Variants in FADS6 observed in about 807,000 individuals in gnomAD.
The protein encoded by FADS6 is fatty acid desaturase domain family, member 6.
FADS6 carries 28 observed loss-of-function variants against 31.7 expected under a neutral mutation model. The ratio of observed to expected loss-of-function variants is 0.88; its 90% CI spans 0.66 to 1.21. FADS6 has a LOEUF of 1.21. FADS6 is among the 50% of genes most tolerant of loss of function. The pLI is 0.00. For synonymous variants in FADS6, 191 were observed against 213.1 expected, an observed-to-expected ratio of 0.90 and a Z score of 0.90; for missense variants, 494 against 504.2, an observed-to-expected ratio of 0.98 and a Z score of 0.19.
In FADS6 at chr17:74,882,284, C is replaced by G. The variant is rs529491117; in HGVS notation, c.592+246G>C. Among the ~76,000 whole-genome samples the G allele has an allele frequency of 3.9e-5, 6 of 152,342 alleles. No homozygotes were observed. The South Asian group carries it at 8.3e-4, about 21-fold the overall frequency. ...GGACCTCATTTTCTTTCACACCATACTTGAGGAGGAGGTACAGGACCCGAG... is the reference window on the plus strand; with the variant it reads ...GGACCTCATTTTCTTTCACACCATAGTTGAGGAGGAGGTACAGGACCCGAG... On this transcript the variant is annotated intron_variant, in intron 3 of 5. Transcript: ENST00000612771.
chr17:74,887,496 C>T (rs1277700556), intron 2 of FADS6, among the ~76,000 whole-genome samples: 2 of 152,212 alleles, frequency 1.3e-5, no homozygotes, highest in East Asian at 1.9e-4. Flanking sequence ...TCACATTCTG[C>T]CTGCCCCAGT....
rs1011979762 is a variant in FADS6, at chr17:74,878,142, C to A, written c.*189G>T. 2.2e-5 allele frequency: 31 copies of A among 1,421,206 alleles called. No individual in the cohort carries two copies. The highest frequency in any genetic ancestry group is 2.8e-5 in the Non-Finnish European group (31 of 1,092,460). 88.0% of individuals were successfully genotyped at this position (1,421,206 alleles called of 1,614,324 possible). A position where few individuals can be genotyped will look rare whatever the true frequency, so the allele number is the denominator to read the frequency against. On this transcript the variant is annotated 3_prime_UTR_variant, in exon 6 of 6. Coordinates refer to ENST00000612771, the MANE Select transcript of FADS6 (RefSeq NM_178128.6). ...CGCTTCACCCAGACACCCCTCAAAA[C>A]CCAGAAAAGCACGCAAGGCAGGTGG...
chr17:74,884,897 C>T (rs1297030406), intron 2 of FADS6, among the ~76,000 whole-genome samples: 5 of 152,044 alleles, frequency 3.3e-5, no homozygotes, highest in East Asian at 3.8e-4. Flanking sequence ...TTAGTAGAGA[C>T]GGAGTTTCGC....
chr17:74,891,628 G>A (rs540876689), intron 2 of FADS6, among the ~76,000 whole-genome samples: 2 of 152,270 alleles, frequency 1.3e-5, no homozygotes, highest in Admixed American at 1.3e-4. Context: ...GCTGGTGAGA[G>A]GGGCAGGGGA....
In FADS6 at chr17:74,877,926, G is replaced by A. The variant is rs187915900; in HGVS notation, c.*405C>T. ...CCAATGCCAGGGAGGTCCCAGCCGA[G>A]GGAGCTGACCCTGTTCTCTCTGTGC... is the stretch of plus-strand genomic sequence containing the variant. On this transcript the variant is annotated 3_prime_UTR_variant, in exon 6 of 6. Coordinates refer to ENST00000612771, the MANE Select transcript of FADS6 (RefSeq NM_178128.6). 2.8e-4 allele frequency: 274 copies of A among 993,784 alleles called. 1 individual carries two copies. In the African/African-American group the frequency reaches 4.7e-3, roughly 17 times the overall value. 61.6% of individuals were successfully genotyped at this position (993,784 alleles called of 1,614,324 possible). A position where few individuals can be genotyped will look rare whatever the true frequency, so the allele number is the denominator to read the frequency against.
At chr17:74,882,003 T>C (rs1389991699) in intron 3 of FADS6, among the ~76,000 whole-genome samples, 1 of 150,682 alleles carries the variant, frequency 6.6e-6, no homozygotes, top group Non-Finnish European at 1.5e-5. Flanking sequence ...TGGTGAGATC[T>C]CGGCTCACTG....
At position 74,877,315 on chromosome 17, in the gene FADS6, T is replaced by TG. The variant is rs948690093; in HGVS notation, c.*1015dup. The TG allele has an allele frequency of 6.7e-6, 1 of 149,748 alleles. No homozygotes were observed. Among genetic ancestry groups the TG allele is most frequent in the African/African-American group, 2.5e-5 (1 of 39,696 alleles). 9.3% of individuals were successfully genotyped at this position (149,748 alleles called of 1,614,324 possible). On this transcript the variant is annotated 3_prime_UTR_variant, in exon 6 of 6. Coordinates refer to ENST00000612771, the MANE Select transcript of FADS6 (RefSeq NM_178128.6). ...AGTTATTTATTCTTTTTTTTTTTTTTGAACGGGAGTCTTATTTTTTATTTT... is the reference window on the plus strand; with the variant it reads ...AGTTATTTATTCTTTTTTTTTTTTTTGGAACGGGAGTCTTATTTTTTATTTT...
rs1159747727 is a variant in FADS6, at chr17:74,893,468, G to A, written c.128C>T (p.Ala43Val). The change falls in exon 1 of 6, where the codon GCG becomes GTG. Residue 43 changes from alanine (A) to valine (V), a missense_variant. By Grantham distance (64) the Ala-to-Val change is moderately conservative. Around this residue, in one of 2 missense-constraint regions of FADS6, gnomAD observed 454 missense variants for 438.5 expected, o/e 1.04. Transcript: ENST00000612771. ...CAGCACCTCCAGCTCCCGCAGCAGC[G>A]CCTCGCCCCCACGGTGCGCGCTCCG... is the stretch of plus-strand genomic sequence containing the variant. ...PARSAHRGGE[A>V]LLRELEVLVQ... 2 of 1,591,880 alleles carry A rather than the reference G, an allele frequency of 1.3e-6. No individual in the cohort carries two copies. The highest frequency in any genetic ancestry group is 2.8e-5 in the African/African-American group (2 of 71,956).
chr17:74,881,049 C>T lies in FADS6; in HGVS notation c.780+19G>A. ...TGCTCCCCTTAGCTGCCCAGCGCCC[C>T]AGGTTGGGGTGGCCTCACCTGGAAG... On this transcript the variant is annotated intron_variant, in intron 4 of 5. Transcript: ENST00000612771. The T allele has an allele frequency of 6.2e-7, 1 of 1,605,820 alleles. No homozygotes were observed. Among genetic ancestry groups the T allele is most frequent in the Middle Eastern group, 1.7e-4 (1 of 5,826 alleles).
Position 74,878,121 on chromosome 17 carries a change from T to G in FADS6, c.*210A>C. 3.5e-6 allele frequency: 5 copies of G among 1,411,528 alleles called. No homozygotes were observed. Among genetic ancestry groups the G allele is most frequent in the South Asian group, 3.1e-5 (2 of 64,862 alleles). 87.4% of individuals were successfully genotyped at this position (1,411,528 alleles called of 1,614,324 possible). A position where few individuals can be genotyped will look rare whatever the true frequency, so the allele number is the denominator to read the frequency against. ...AGAATGCACAGCCACCATTACCGCT[T>G]CACCCAGACACCCCTCAAAACCCAG... On this transcript the variant is annotated 3_prime_UTR_variant, in exon 6 of 6. Transcript: ENST00000612771.
In FADS6 at chr17:74,877,595, A is replaced by C; in HGVS notation, c.*736T>G. 1 of 779,702 alleles carries C rather than the reference A, an allele frequency of 1.3e-6. No homozygotes were observed. Among genetic ancestry groups the C allele is most frequent in the Non-Finnish European group, 1.6e-6 (1 of 642,652 alleles). The allele number at this position is 779,702 out of a possible 1,614,324, so 48.3% of individuals were successfully genotyped here. A position where few individuals can be genotyped will look rare whatever the true frequency, so the allele number is the denominator to read the frequency against. ...CGATCCACCCGCCTTGGCCTCCCAA[A>C]GTGCTGGGATTACAGGCATGAGCCA... On this transcript the variant is annotated 3_prime_UTR_variant, in exon 6 of 6. Transcript: ENST00000612771.
At chr17:74,884,898 G>A (rs1446676084) in intron 2 of FADS6, among the ~76,000 whole-genome samples, 3 of 151,952 alleles carry the variant, frequency 2.0e-5, no homozygotes, top group Admixed American at 6.6e-5. Flanking sequence ...TAGTAGAGAC[G>A]GAGTTTCGCC....
intron 2 of FADS6, among the ~76,000 whole-genome samples, chr17:74,891,987 T>C (rs1223438214): frequency 6.6e-6 from 1 of 152,184 alleles, no homozygotes; most frequent in African/African-American, 2.4e-5. Flanking sequence ...TCGAAACTTT[T>C]GCCTTCCTGG....
chr17:74,882,883 T>C (rs1324505081), intron 2 of FADS6, 173 bp from the exon 3 acceptor site: 4 of 1,478,162 alleles, frequency 2.7e-6, no homozygotes, highest in East Asian at 5.0e-5. Context: ...CAGGTATCTA[T>C]GACCACGGAG....
rs757016071 is a variant in FADS6, at chr17:74,882,653, C to T, written c.469G>A (p.Ala157Thr). 6.8e-6 allele frequency: 11 copies of T among 1,611,482 alleles called. No individual in the cohort carries two copies. The highest frequency in any genetic ancestry group is 6.7e-5 in the Admixed American group (4 of 59,706). ...ATHGHVKMHH[A>T]YTNVVGLGDS... Reference sequence around the variant, plus strand: ...CCCAGGCCCACCACGTTGGTGTAGGCATGGTGCATCTTGACGTGCCCATGC... The same window carrying T: ...CCCAGGCCCACCACGTTGGTGTAGGTATGGTGCATCTTGACGTGCCCATGC... Residue 157 changes from alanine to threonine, a missense_variant, in exon 3 of 6, where the codon GCC becomes ACC. Around this residue, in one of 2 missense-constraint regions of FADS6, gnomAD observed 454 missense variants for 438.5 expected, o/e 1.04. Transcript: ENST00000612771.
At chr17:74,888,434 G>A (rs1390193361) in intron 2 of FADS6, among the ~76,000 whole-genome samples, 1 of 152,152 alleles carries the variant, frequency 6.6e-6, no homozygotes, top group Non-Finnish European at 1.5e-5. Flanking sequence ...AGCTCTCGAG[G>A]TTTGCGTGGG....
chr17:74,877,886 C>T lies in FADS6; in HGVS notation c.*445G>A, dbSNP rs1211157431. ...AGCCTGAAGGAAGCAATAGCCAAGGCCGTGTGGGGCTCTCCCAATGCCAGG... is the reference window on the plus strand; with the variant it reads ...AGCCTGAAGGAAGCAATAGCCAAGGTCGTGTGGGGCTCTCCCAATGCCAGG... On this transcript the variant is annotated 3_prime_UTR_variant, in exon 6 of 6. Transcript: ENST00000612771. The T allele has an allele frequency of 3.0e-5, 30 of 988,988 alleles. No individual in the cohort carries two copies. Among genetic ancestry groups the T allele is most frequent in the Non-Finnish European group, 3.5e-5 (29 of 832,582 alleles). The allele number at this position is 988,988 out of a possible 1,614,324, so 61.3% of individuals were successfully genotyped here.
intron 2 of FADS6, among the ~76,000 whole-genome samples, chr17:74,885,290 T>A (rs1465894777): frequency 8.7e-5 from 10 of 114,742 alleles, no homozygotes; most frequent in Admixed American, 2.9e-4. Flanking sequence ...AGGCATTTTT[T>A]TAAGAAAACC....
chr17:74,892,778 G>A, intron 1 of FADS6, 89 bp from the exon 2 acceptor site: 1 of 1,304,344 alleles, frequency 7.7e-7, no homozygotes, highest in African/African-American at 1.5e-5. Flanking sequence ...GGGAGCCCAG[G>A]CTAAAGTGGG....
Sources: allele counts gnomAD v4.1 joint callset (sites outside exome capture counted in the v4.1 genomes callset), GRCh38; gene constraint gnomAD v4.1.1; regional missense constraint gnomAD v4.1.1; transcripts MANE v1.5; gene names NCBI Gene and HGNC (gene_info 2026-07-23, HGNC 2026-07-21).